Variants in WDFY3 observed in about 807,000 individuals in gnomAD.
WDFY3 encodes WD repeat and FYVE domain-containing protein 3.
A neutral mutation model predicts 409.6 loss-of-function variants in WDFY3; 66 were observed. That is an observed-to-expected ratio of 0.16 (90% CI 0.13 to 0.20). The LOEUF is 0.20. Ranked by LOEUF, WDFY3 falls within the 10% of genes least tolerant of loss-of-function variation. The pLI, the probability that WDFY3 is intolerant of heterozygous loss-of-function variation, is 1.00. For synonymous variants in WDFY3, 1,521 were observed against 1,537.1 expected (o/e 0.99, Z 0.25); for missense variants, 3,031 against 4,298.1 (o/e 0.71, Z 8.24).
chr4:84,688,662 T>C (rs1234263503), intron 61 of WDFY3, among the ~76,000 whole-genome samples: 1 of 152,204 alleles, frequency 6.6e-6, no homozygotes, highest in Non-Finnish European at 1.5e-5. Flanking sequence ...CATTCTTTTA[T>C]GCCACAAACT....
chr4:84,849,029 G>T (rs896627302), intron 5 of WDFY3, among the ~76,000 whole-genome samples: 2 of 152,000 alleles, frequency 1.3e-5, no homozygotes, highest in African/African-American at 4.8e-5. Context: ...TTAACTCAGG[G>T]TATGTCTAAA....
chr4:84,710,015 C>T (rs898193740), intron 51 of WDFY3, among the ~76,000 whole-genome samples: 1 of 152,192 alleles, frequency 6.6e-6, no homozygotes, highest in African/African-American at 2.4e-5. Flanking sequence ...AGCCACAGTG[C>T]TTGGCCTTCT....
rs888580498 is a variant in WDFY3, at chr4:84,947,748, G to A, written c.-225-15385C>T. 2.0e-5 allele frequency among the ~76,000 whole-genome samples: 3 copies of A among 150,068 alleles called. No homozygotes were observed. In the East Asian group the frequency reaches 5.9e-4, roughly 29 times the overall value. Reference sequence around the variant, plus strand: ...AAAAAAAACATTAGCCAGGCATGGTGGCATGTGCCTGAAGTCCCAGCTACT... The same window carrying A: ...AAAAAAAACATTAGCCAGGCATGGTAGCATGTGCCTGAAGTCCCAGCTACT... On this transcript the variant is annotated intron_variant, in intron 1 of 67. Transcript: ENST00000295888.
intron 16 of WDFY3, among the ~76,000 whole-genome samples, chr4:84,802,974 T>G (rs1025646171): frequency 6.6e-6 from 1 of 152,210 alleles, no homozygotes; most frequent in African/African-American, 2.4e-5. Context: ...GTATCTTCAG[T>G]CATTTTTCCT....
chr4:84,871,315 CA>C (rs568730781), intron 3 of WDFY3, among the ~76,000 whole-genome samples: 99 of 152,088 alleles, frequency 6.5e-4, no homozygotes, highest in Admixed American at 4.1e-3. Flanking sequence ...AACATGCAAG[CA>C]AAAAGAGAAG....
In WDFY3 at chr4:84,718,309, C is replaced by T. The variant is rs1259733930; in HGVS notation, c.7754+113G>A. 25 of 1,111,684 alleles carry T rather than the reference C, an allele frequency of 2.2e-5. No homozygotes were observed. The East Asian group carries it at 5.5e-4, about 25-fold the overall frequency. 68.9% of individuals were successfully genotyped at this position (1,111,684 alleles called of 1,614,324 possible). On this transcript the variant is annotated intron_variant, in intron 48 of 67. Coordinates refer to ENST00000295888, the MANE Select transcript of WDFY3 (RefSeq NM_014991.6). ...TATGTAATGATGAATGCACACAAAC[C>T]GAGAGATAACATTACCTAGAACACA...
chr4:84,960,979 G>A (rs1774838300), intron 1 of WDFY3, among the ~76,000 whole-genome samples: 1 of 152,098 alleles, frequency 6.6e-6, no homozygotes, highest in South Asian at 2.1e-4. Flanking sequence ...ACTTTTGGGA[G>A]GCCGAGGCGG....
intron 3 of WDFY3, among the ~76,000 whole-genome samples, chr4:84,874,287 C>T (rs1762488061): frequency 6.6e-6 from 1 of 151,956 alleles, no homozygotes; most frequent in Admixed American, 6.6e-5. Flanking sequence ...GTGGCACACA[C>T]CTGTAATCCC....
chr4:84,748,952 T>A (rs1235452682), intron 36 of WDFY3, among the ~76,000 whole-genome samples: 2 of 151,750 alleles, frequency 1.3e-5, no homozygotes, highest in African/African-American at 4.8e-5. Flanking sequence ...AATGCAGTGG[T>A]GTAATTACGG....
intron 1 of WDFY3, among the ~76,000 whole-genome samples, chr4:84,956,185 T>C (rs941334920): frequency 6.6e-6 from 1 of 152,182 alleles, no homozygotes; most frequent in Non-Finnish European, 1.5e-5. Context: ...CTGGTATTAA[T>C]TGGCTGAGCA....
chr4:84,746,748 C>A (rs1252262138), intron 36 of WDFY3, among the ~76,000 whole-genome samples: 1 of 152,106 alleles, frequency 6.6e-6, no homozygotes, highest in Non-Finnish European at 1.5e-5. Flanking sequence ...CACTGGACTA[C>A]TGTTTTGTGC....
rs530245913 is a variant in WDFY3, at chr4:84,693,049, T to C, written c.8902-17A>G. 1 of 1,606,720 alleles carries C rather than the reference T, an allele frequency of 6.2e-7. No homozygotes were observed. The highest frequency in any genetic ancestry group is 8.5e-7 in the Non-Finnish European group (1 of 1,178,192). ...TTTAAATAACTGGTATGAAAGAAGA[T>C]GACTCACTTTATAATGAAAGATAAC... is the stretch of plus-strand genomic sequence containing the variant. On this transcript the variant is annotated splice_polypyrimidine_tract_variant and intron_variant, in intron 58 of 67. Coordinates refer to ENST00000295888, the MANE Select transcript of WDFY3 (RefSeq NM_014991.6).
Position 84,708,944 on chromosome 4 carries a change from C to T in WDFY3, c.8182G>A (p.Val2728Ile). The T allele has an allele frequency of 6.2e-7, 1 of 1,614,030 alleles. No homozygotes were observed. Among genetic ancestry groups the T allele is most frequent in the Non-Finnish European group, 8.5e-7 (1 of 1,179,966 alleles). Residue 2728 changes from valine (V) to isoleucine (I), a missense_variant, in exon 53 of 68, where the codon GTC (valine) becomes ATC (isoleucine). Around this residue, in one of 16 missense-constraint regions of WDFY3, gnomAD observed 129 missense variants for 305.3 expected, o/e 0.42. Coordinates refer to ENST00000295888, the MANE Select transcript of WDFY3 (RefSeq NM_014991.6). ...RSYNDLMQYP[V>I]FPWILADYDS... The stretch of plus-strand genomic sequence containing the variant: ...TAATCTGCAAGGATCCAGGGGAAGA[C>T]AGGATACTGCATGAGATCATTATAT...
chr4:84,797,153 AAAAG>A (rs1749596809), intron 18 of WDFY3, among the ~76,000 whole-genome samples: 3 of 152,192 alleles, frequency 2.0e-5, no homozygotes, highest in African/African-American at 7.2e-5. Flanking sequence ...CATTAAAATG[AAAAG>A]AAATAGGTCA....
At chr4:84,691,594 A>G in intron 60 of WDFY3, 37 bp downstream of exon 60, 8 of 1,604,690 alleles carry the variant, frequency 5.0e-6, no homozygotes, top group Non-Finnish European at 6.8e-6. Context: ...ACCACAAAAG[A>G]GCAATATTAA....
At chr4:84,933,118 T>C (rs946777454) in intron 1 of WDFY3, among the ~76,000 whole-genome samples, 4 of 152,184 alleles carry the variant, frequency 2.6e-5, no homozygotes, top group Non-Finnish European at 4.4e-5. Context: ...TAAAATGTTA[T>C]ACCAAAGAAT....
chr4:84,904,835 T>C (rs1398370317), intron 2 of WDFY3, among the ~76,000 whole-genome samples: 1 of 152,226 alleles, frequency 6.6e-6, no homozygotes, highest in Non-Finnish European at 1.5e-5. Flanking sequence ...TTTGGTCACT[T>C]ACAGATGTCA....
At position 84,716,724 on chromosome 4, in the gene WDFY3, G is replaced by A. The variant is rs952500690; in HGVS notation, c.7875+172C>T. Among the ~76,000 whole-genome samples the A allele has an allele frequency of 1.6e-4, 25 of 151,948 alleles. 1 individual carries two copies. In the East Asian group the frequency reaches 3.1e-3, roughly 19 times the overall value. On this transcript the variant is annotated intron_variant, in intron 49 of 67. Coordinates refer to ENST00000295888, the MANE Select transcript of WDFY3 (RefSeq NM_014991.6). Reference sequence around the variant, plus strand: ...TAAGGCAGGAGAATGGTGTGAACCCGGGAGGCGGAGGTTGCAGTGAGCTGA... The same window carrying A: ...TAAGGCAGGAGAATGGTGTGAACCCAGGAGGCGGAGGTTGCAGTGAGCTGA...
Position 84,669,984 on chromosome 4 carries a change from A to G in WDFY3, c.*2884T>C, listed in dbSNP as rs373916333. 2.4e-4 allele frequency: 36 copies of G among 152,562 alleles called. No individual in the cohort carries two copies. In the East Asian group the frequency reaches 3.1e-3, roughly 13 times the overall value. The allele number at this position is 152,562 out of a possible 1,614,324, so 9.5% of individuals were successfully genotyped here. A position where few individuals can be genotyped will look rare whatever the true frequency, so the allele number is the denominator to read the frequency against. On this transcript the variant is annotated 3_prime_UTR_variant, in exon 68 of 68. Coordinates refer to ENST00000295888, the MANE Select transcript of WDFY3 (RefSeq NM_014991.6). ...TTCTAAAAACAGTTTTAACGGCATAAATATTTTATACACAGTTCATTTACC... is the reference window on the plus strand; with the variant it reads ...TTCTAAAAACAGTTTTAACGGCATAGATATTTTATACACAGTTCATTTACC...
Sources: allele counts gnomAD v4.1 joint callset (sites outside exome capture counted in the v4.1 genomes callset), GRCh38; gene constraint gnomAD v4.1.1; regional missense constraint gnomAD v4.1.1; transcripts MANE v1.5; gene names NCBI Gene and HGNC (gene_info 2026-07-23, HGNC 2026-07-21).